The following CALN1 variants were observed in gnomAD, a reference collection of about 807,000 sequenced individuals.
The protein encoded by CALN1 is calneuron 1, also known as calcium-binding protein 8.
Under a neutral mutation model 30.6 loss-of-function variants are expected in CALN1, and 17 were observed. The observed-to-expected ratio is 0.56, with a 90% CI of 0.38 to 0.83. CALN1 has a LOEUF of 0.83. Among genes scored for constraint, CALN1 ranks in the 40% least tolerant of loss-of-function variants. CALN1 has a pLI of 0.00. For synonymous variants in CALN1, 156 were observed against 131.4 expected (o/e 1.19, Z -1.28); for missense variants, 291 against 354.9 (o/e 0.82, Z 1.45).
chr7:72,265,646 T>C (rs1410013602), intron 3 of CALN1, among the ~76,000 whole-genome samples: 1 of 152,164 alleles, frequency 6.6e-6, no homozygotes, highest in African/African-American at 2.4e-5. Context: ...GGTGATTTTA[T>C]GACTGAGATA....
chr7:72,235,831 C>T (rs948209558), intron 3 of CALN1, among the ~76,000 whole-genome samples: 5 of 151,988 alleles, frequency 3.3e-5, no homozygotes, highest in Admixed American at 6.6e-5. Context: ...CTTGCCCACC[C>T]GGTACCCCAT....
Position 72,289,374 on chromosome 7 carries a change from TC to T in CALN1, c.120-10565del, listed in dbSNP as rs1187165047. Among the ~76,000 whole-genome samples, 4 of 152,216 alleles carry T rather than the reference TC, an allele frequency of 2.6e-5. No individual in the cohort carries two copies. The East Asian group carries it at 7.7e-4, about 29-fold the overall frequency. On this transcript the variant is annotated intron_variant, in intron 2 of 6. Coordinates refer to ENST00000395275, the MANE Select transcript of CALN1 (RefSeq NM_031468.4). ...AGGCCAATAACTATTTTCCAGACTTTCTTGCTACTAAGGTTCTGGATGAAAG... is the reference window on the plus strand; with the variant it reads ...AGGCCAATAACTATTTTCCAGACTTTTTGCTACTAAGGTTCTGGATGAAAG...
At chr7:72,096,686 C>G (rs751339219) in intron 4 of CALN1, among the ~76,000 whole-genome samples, 4 of 152,112 alleles carry the variant, frequency 2.6e-5, no homozygotes, top group Non-Finnish European at 5.9e-5. Flanking sequence ...TGTGGAGAAA[C>G]AGGAAAAGTT....
At chr7:72,297,258 G>A (rs1181810741) in intron 2 of CALN1, among the ~76,000 whole-genome samples, 1 of 151,940 alleles carries the variant, frequency 6.6e-6, no homozygotes, top group African/African-American at 2.4e-5. Context: ...AAAACACTAA[G>A]TCCTCAATGC....
intron 3 of CALN1, among the ~76,000 whole-genome samples, chr7:72,128,218 G>A (rs897299870): frequency 1.3e-5 from 2 of 152,108 alleles, no homozygotes; most frequent in African/African-American, 4.8e-5. Flanking sequence ...AGCAATAGGC[G>A]ATTAGCTAAA....
chr7:71,860,404 G>T (rs748612787), intron 5 of CALN1, among the ~76,000 whole-genome samples: 3 of 152,122 alleles, frequency 2.0e-5, no homozygotes, highest in Non-Finnish European at 4.4e-5. Flanking sequence ...TGCTGGCCAA[G>T]CTGGTCTTGA....
At chr7:72,289,771 T>A (rs1213081490) in intron 2 of CALN1, among the ~76,000 whole-genome samples, 1 of 152,050 alleles carries the variant, frequency 6.6e-6, no homozygotes, top group African/African-American at 2.4e-5. Flanking sequence ...ACTTATTTCA[T>A]TGTAAGTTCA....
At chr7:72,159,452 A>G (rs909037268) in intron 3 of CALN1, among the ~76,000 whole-genome samples, 4 of 152,020 alleles carry the variant, frequency 2.6e-5, no homozygotes, top group Non-Finnish European at 5.9e-5. Context: ...GAGAACTATG[A>G]CCACGCCACT....
intron 3 of CALN1, among the ~76,000 whole-genome samples, chr7:72,268,800 C>CACAA (rs141897459): frequency 5.8e-4 from 85 of 145,556 alleles, no homozygotes; most frequent in African/African-American, 2.1e-3. Flanking sequence ...CTGCCACACA[C>CACAA]ACACACACAC....
chr7:72,189,119 C>A (rs1478509023), intron 3 of CALN1, among the ~76,000 whole-genome samples: 2 of 152,164 alleles, frequency 1.3e-5, no homozygotes, highest in African/African-American at 2.4e-5. Context: ...GCAAAATTAT[C>A]CAGGTTAAAA....
chr7:72,337,965 C>A lies in CALN1; in HGVS notation c.120-59155G>T, dbSNP rs140042481. On this transcript the variant is annotated intron_variant, in intron 2 of 6. Transcript: ENST00000395275. The stretch of plus-strand genomic sequence containing the variant: ...AGTCTACGCCCAGACAGACCCCTGC[C>A]CCAGGTCTCAAGGGCAACGCATGTG... Among the ~76,000 whole-genome samples, 721 of 152,320 alleles carry A rather than the reference C, an allele frequency of 4.7e-3. 2 individuals carry two copies. The highest frequency in any genetic ancestry group is 6.5e-3 in the Non-Finnish European group (444 of 68,026).
At chr7:72,292,956 T>C (rs1798598241) in intron 2 of CALN1, among the ~76,000 whole-genome samples, 1 of 152,090 alleles carries the variant, frequency 6.6e-6, no homozygotes, top group Non-Finnish European at 1.5e-5. Flanking sequence ...CTTTTGTCTC[T>C]GCATGAACAT....
intron 5 of CALN1, among the ~76,000 whole-genome samples, chr7:71,983,820 C>A (rs886948533): frequency 1.4e-4 from 22 of 152,192 alleles, no homozygotes; most frequent in Non-Finnish European, 5.9e-5. Context: ...GCATGAGCCA[C>A]CACACCCAGC....
intron 3 of CALN1, among the ~76,000 whole-genome samples, chr7:72,156,771 T>A (rs2129544559): frequency 6.6e-6 from 1 of 152,354 alleles, no homozygotes; most frequent in East Asian, 1.9e-4. Context: ...GGGAGTGCTC[T>A]GGGGGACAGA....
chr7:72,031,656 C>A (rs1213385936), intron 4 of CALN1, among the ~76,000 whole-genome samples: 1 of 151,812 alleles, frequency 6.6e-6, no homozygotes, highest in Non-Finnish European at 1.5e-5. Context: ...CAGCTTTGAA[C>A]TCCTGGGTTC....
chr7:72,008,182 C>T (rs1403734048), intron 5 of CALN1, among the ~76,000 whole-genome samples: 1 of 151,924 alleles, frequency 6.6e-6, no homozygotes, highest in Non-Finnish European at 1.5e-5. Flanking sequence ...TAAATGGATA[C>T]AATAAATAGT....
At chr7:72,146,270 A>G (rs1443747391) in intron 3 of CALN1, among the ~76,000 whole-genome samples, 1 of 152,242 alleles carries the variant, frequency 6.6e-6, no homozygotes, top group Non-Finnish European at 1.5e-5. Flanking sequence ...CAACTGCAGC[A>G]AAGTCCCAGG....
intron 4 of CALN1, among the ~76,000 whole-genome samples, chr7:72,081,345 C>T (rs1195642139): frequency 6.7e-6 from 1 of 149,990 alleles, no homozygotes; most frequent in African/African-American, 2.5e-5. Context: ...CAGGAAGTCA[C>T]AAGACCCTAT....
intron 2 of CALN1, among the ~76,000 whole-genome samples, chr7:72,286,440 A>G (rs967916351): frequency 1.3e-5 from 2 of 152,212 alleles, no homozygotes; most frequent in African/African-American, 4.8e-5. Flanking sequence ...GAAGGATCCC[A>G]GGAGTAATGA....
Sources: allele counts gnomAD v4.1 joint callset (sites outside exome capture counted in the v4.1 genomes callset), GRCh38; gene constraint gnomAD v4.1.1; transcripts MANE v1.5; gene names NCBI Gene and HGNC (gene_info 2026-07-23, HGNC 2026-07-21).